The following LCORL variants were observed in gnomAD, a reference collection of about 807,000 sequenced individuals.
LCORL encodes ligand-dependent nuclear receptor corepressor-like protein.
A neutral mutation model predicts 141.8 loss-of-function variants in LCORL; 41 were observed. That is an observed-to-expected ratio of 0.29 (90% confidence interval 0.23 to 0.38). The LOEUF (loss-of-function observed/expected upper bound fraction) is 0.38, where lower values mean the gene tolerates loss of function less well. LCORL is among the 10% of genes least tolerant of loss of function. The pLI is 1.00. For synonymous variants in LCORL, 618 were observed against 694.1 expected (o/e 0.89, Z 1.72); for missense variants, 1,759 against 2,035.0 (o/e 0.86, Z 2.61).
chr4:17,860,226 A>G (rs1377206200), intron 7 of LCORL, among the ~76,000 whole-genome samples: 2 of 152,232 alleles, frequency 1.3e-5, no homozygotes, highest in Non-Finnish European at 2.9e-5. Flanking sequence ...AGGCTACTGT[A>G]TTAGTCCATT....
At chr4:17,917,295 T>G (rs1733602901) in intron 4 of LCORL, among the ~76,000 whole-genome samples, 1 of 152,034 alleles carries the variant, frequency 6.6e-6, no homozygotes, top group Admixed American at 6.5e-5. Context: ...TGGGTTCAAG[T>G]GATTCTCCTG....
chr4:17,856,028 ATTACT>A (rs1018609140), intron 7 of LCORL, among the ~76,000 whole-genome samples: 5 of 152,222 alleles, frequency 3.3e-5, no homozygotes, highest in East Asian at 1.9e-4. Context: ...TTATAACTAG[ATTACT>A]TTAAGCAGTT....
At position 17,978,904 on chromosome 4, in the gene LCORL, TTTTTTTA is replaced by T. The variant is rs370276050; in HGVS notation, c.155-6026_155-6020del. Among the ~76,000 whole-genome samples, 241 of 152,202 alleles carry T rather than the reference TTTTTTTA, an allele frequency of 1.6e-3. 1 individual carries two copies. Among genetic ancestry groups the T allele is most frequent in the African/African-American group, 5.5e-3 (229 of 41,532 alleles). On this transcript the variant is annotated intron_variant, in intron 1 of 7. Coordinates refer to ENST00000635767, the Ensembl canonical transcript of LCORL. ...CACTAAAGGCAGATCTCTGCCTTCT[TTTTTTTA>T]TTTTTTATTTTTTATTATTATACTT...
At chr4:17,926,933 A>G (rs930495412) in intron 4 of LCORL, among the ~76,000 whole-genome samples, 1 of 152,240 alleles carries the variant, frequency 6.6e-6, no homozygotes, top group African/African-American at 2.4e-5. Flanking sequence ...GGCCATAACC[A>G]GAGAGTAAGC....
chr4:17,900,490 G>A (rs77864185), intron 5 of LCORL, among the ~76,000 whole-genome samples: 5,155 of 152,180 alleles, frequency 0.034, 108 homozygotes, highest in African/African-American at 0.055. Context: ...ACTTCTTTAT[G>A]GAGGTCTTCC....
chr4:17,994,385 T>C (rs770796786), intron 1 of LCORL, among the ~76,000 whole-genome samples: 2 of 152,178 alleles, frequency 1.3e-5, no homozygotes, highest in African/African-American at 2.4e-5. Context: ...AAAATGTGGA[T>C]ACTTCAGGTA....
At chr4:17,890,404 AG>A (rs1728906440) in intron 5 of LCORL, among the ~76,000 whole-genome samples, 1 of 152,096 alleles carries the variant, frequency 6.6e-6, no homozygotes, top group Non-Finnish European at 1.5e-5. Flanking sequence ...GTTGCTTCCA[AG>A]GGTAAACAAA....
intron 1 of LCORL, among the ~76,000 whole-genome samples, chr4:18,007,608 C>G (rs140506515): frequency 1.3e-5 from 2 of 152,044 alleles, no homozygotes; most frequent in Non-Finnish European, 2.9e-5. Flanking sequence ...AATGCCCTGT[C>G]CATAAATAAT....
intron 1 of LCORL, among the ~76,000 whole-genome samples, chr4:18,003,845 A>G (rs1245494954): frequency 1.3e-5 from 2 of 152,230 alleles, no homozygotes; most frequent in African/African-American, 4.8e-5. Flanking sequence ...TCAACATATC[A>G]CATAAAAATA....
chr4:17,918,632 C>T (rs1452015542), intron 4 of LCORL, among the ~76,000 whole-genome samples: 3 of 152,076 alleles, frequency 2.0e-5, no homozygotes, highest in Non-Finnish European at 4.4e-5. Flanking sequence ...TCAACTTGAA[C>T]ATAGGCAGGT....
intron 7 of LCORL, among the ~76,000 whole-genome samples, chr4:17,859,559 T>C (rs573902956): frequency 2.1e-4 from 32 of 152,206 alleles, no homozygotes; most frequent in Admixed American, 4.6e-4. Context: ...AATCTGGATC[T>C]GTCCACAAGA....
At chr4:17,906,750 G>C (rs184341613) in intron 5 of LCORL, among the ~76,000 whole-genome samples, 256 of 150,040 alleles carry the variant, frequency 1.7e-3, no homozygotes, top group African/African-American at 5.9e-3. Context: ...GCAGTGGCGC[G>C]ATCTTGGCCC....
intron 5 of LCORL, among the ~76,000 whole-genome samples, chr4:17,892,231 C>T (rs866947349): frequency 8.6e-5 from 11 of 127,318 alleles, no homozygotes; most frequent in South Asian, 5.2e-4. Flanking sequence ...TTTTTTGAGA[C>T]GGAATCTCAC....
intron 2 of LCORL, among the ~76,000 whole-genome samples, chr4:17,967,907 G>C (rs1715225428): frequency 6.6e-6 from 1 of 150,938 alleles, no homozygotes; most frequent in Non-Finnish European, 1.5e-5. Context: ...GCCCAGGCTG[G>C]AGTGCAGTGA....
intron 7 of LCORL, among the ~76,000 whole-genome samples, chr4:17,854,024 G>C (rs1347493836): frequency 6.6e-6 from 1 of 152,118 alleles, no homozygotes; most frequent in Non-Finnish European, 1.5e-5. Context: ...TAAGGACTAA[G>C]GGATTACAGA....
At position 18,021,648 on chromosome 4, in the gene LCORL, C is replaced by T; in HGVS notation, c.104G>A (p.Gly35Glu). 6.5e-7 allele frequency: 1 copy of T among 1,545,880 alleles called. No homozygotes were observed. Among genetic ancestry groups the T allele is most frequent in the Non-Finnish European group, 8.7e-7 (1 of 1,145,126 alleles). The change falls in exon 1 of 8, where the codon GGA becomes GAA. Residue 35 changes from glycine (G) to glutamate (E), a missense_variant. Transcript: ENST00000635767. This position sits in a 1 kb window ranked among gnomAD's most constrained non-coding sequence, Gnocchi z 5.5. Reference sequence around the variant, plus strand: ...CCAAGAGTCGAGTTCCCGCCGGAATCCTCTTCTCTCCGCCGCGCACCGAGG... The same window carrying T: ...CCAAGAGTCGAGTTCCCGCCGGAATTCTCTTCTCTCCGCCGCGCACCGAGG...
At chr4:17,846,566 GGTT>G (rs1233921239) in intron 7 of LCORL, among the ~76,000 whole-genome samples, 2 of 152,070 alleles carry the variant, frequency 1.3e-5, no homozygotes, top group Admixed American at 6.6e-5. Context: ...AGGATACTCT[GGTT>G]GTTTTTTCTG....
At chr4:17,898,571 T>A (rs1730343138) in intron 5 of LCORL, among the ~76,000 whole-genome samples, 1 of 152,028 alleles carries the variant, frequency 6.6e-6, no homozygotes, top group Non-Finnish European at 1.5e-5. Context: ...AGAGAGCATG[T>A]AATATATGTA....
intron 4 of LCORL, chr4:17,912,144 C>T: frequency 1.0e-6 from 1 of 995,570 alleles, no homozygotes; most frequent in Admixed American, 1.7e-5. Context: ...ACAATGCCCG[C>T]ATTGTTCTGC....
Sources: gnomAD v4.1 joint callset for allele counts (sites outside exome capture counted in the v4.1 genomes callset) on GRCh38, gnomAD v4.1.1 for gene constraint, Gnocchi (gnomAD v3.1) non-coding constraint, MANE v1.5 for transcripts, NCBI Gene and HGNC (gene_info 2026-07-23, HGNC 2026-07-21) for gene names.